The following EGLN2 variants were observed in gnomAD, a reference collection of about 807,000 sequenced individuals.
The protein encoded by EGLN2 is egl-9 family hypoxia inducible factor 2.
Under a neutral mutation model 38.2 loss-of-function variants are expected in EGLN2, and 15 were observed. That is an observed-to-expected ratio of 0.39 (90% CI 0.26 to 0.60). The LOEUF (loss-of-function observed/expected upper bound fraction) is 0.60, where lower values mean the gene tolerates loss of function less well. Among genes scored for constraint, EGLN2 ranks in the 20% least tolerant of loss-of-function variants. The pLI is 0.50. For synonymous variants in EGLN2, 284 were observed against 237.4 expected (o/e 1.20, Z -1.81); for missense variants, 492 against 570.4 (o/e 0.86, Z 1.40).
intron 2 of EGLN2, chr19:40,805,443 C>G (rs1475902700): frequency 6.6e-6 from 1 of 152,202 alleles, no homozygotes; most frequent in African/African-American, 2.4e-5. Context: ...CACTTGTTAT[C>G]TTGTTCACTT....
intron 2 of EGLN2, among the ~76,000 whole-genome samples, chr19:40,802,049 T>C (rs945832315): frequency 1.3e-5 from 2 of 152,158 alleles, no homozygotes; most frequent in Admixed American, 1.3e-4. Flanking sequence ...ACAGTTCACC[T>C]GGCCGTTCTC....
rs905943717 is a variant in EGLN2 at position 40,801,186 on chromosome 19, G to T, written c.614G>T (p.Arg205Leu). 1 of 1,612,708 alleles carries T rather than the reference G, an allele frequency of 6.2e-7. No individual in the cohort carries two copies. Among genetic ancestry groups the T allele is most frequent in the African/African-American group, 1.3e-5 (1 of 75,064 alleles). Reference protein sequence around the residue: ...DSFLGAALGGRVLAEVEALKR... With the variant: ...DSFLGAALGGLVLAEVEALKR... ...TTCCTGGGGGCAGCACTGGGCGGTC[G>T]CGTGCTGGCCGAGGTGGAGGCCCTC... The change falls in exon 2 of 6, where the codon CGC becomes CTC. Residue 205 changes from arginine to leucine, a missense_variant. Arg to Leu is a moderately radical substitution (Grantham distance 102). This residue lies in a region of EGLN2 where 378 missense variants were observed against 386.2 expected (regional missense o/e 0.98). Transcript: ENST00000303961.
In EGLN2 at chr19:40,801,268, G is replaced by A. The variant is rs767463394; in HGVS notation, c.696G>A (p.Pro232=). 20 of 1,613,096 alleles carry A rather than the reference G, an allele frequency of 1.2e-5. No homozygotes were observed. Among genetic ancestry groups the A allele is most frequent in the Non-Finnish European group, 1.7e-5 (20 of 1,180,006 alleles). The part of the protein sequence containing the change: ...GQLVSQRAIP[P]RSIRGDQIAW... ...TAGTGAGCCAGAGGGCGATCCCGCC[G>A]CGCAGCATCCGTGGGGACCAGATTG... Residue 232 remains proline, a synonymous_variant, in exon 2 of 6, where the codon CCG becomes CCA. Transcript: ENST00000303961.
Position 40,807,471 on chromosome 19 carries a change from C to T in EGLN2, c.1101-13C>T, listed in dbSNP as rs1295217668. 1 of 1,614,042 alleles carries T rather than the reference C, an allele frequency of 6.2e-7. No homozygotes were observed. The highest frequency in any genetic ancestry group is 1.3e-5 in the African/African-American group (1 of 75,046). ...ATTGCAGAAAACTAATGTCCAACCA[C>T]CCTGGTCTCCAGGTACGCCATCACT... On this transcript the variant is annotated splice_polypyrimidine_tract_variant and intron_variant, in intron 4 of 5. Coordinates refer to ENST00000303961, the MANE Select transcript of EGLN2 (RefSeq NM_080732.4).
chr19:40,802,580 A>G (rs1019834062), intron 2 of EGLN2, among the ~76,000 whole-genome samples: 3 of 152,210 alleles, frequency 2.0e-5, no homozygotes, highest in Admixed American at 2.0e-4. Flanking sequence ...ACAAATGCTC[A>G]TTTGCTTGGA....
intron 3 of EGLN2, 193 bp from the exon 4 acceptor site, chr19:40,806,945 T>C (rs2083307499): frequency 2.0e-6 from 2 of 1,004,828 alleles, no homozygotes; most frequent in South Asian, 1.7e-5. Flanking sequence ...TTTCCCCCTT[T>C]TCCTGTCTTT....
At chr19:40,803,362 A>G (rs1208222941) in intron 2 of EGLN2, 1 of 151,598 alleles carries the variant, frequency 6.6e-6, no homozygotes, top group Non-Finnish European at 1.5e-5. Context: ...GCGTGTTTGG[A>G]CTTTTTTAGC....
chr19:40,806,769 C>A, intron 3 of EGLN2, 95 bp downstream of exon 3: 2 of 1,512,186 alleles, frequency 1.3e-6, no homozygotes, highest in South Asian at 1.2e-5. Context: ...AGCCCAGATT[C>A]TGGCATTCTC....
At chr19:40,806,816 C>A in intron 3 of EGLN2, 142 bp downstream of exon 3, 1 of 1,200,788 alleles carries the variant, frequency 8.3e-7, no homozygotes, top group Admixed American at 2.3e-5. Context: ...GCAGTGCGAT[C>A]TGCCGGCTCT....
rs747281943 is a variant in EGLN2 at position 40,807,278 on chromosome 19, T to C, written c.1100+4T>C. The C allele has an allele frequency of 1.2e-6, 2 of 1,614,010 alleles. No homozygotes were observed. The highest frequency in any genetic ancestry group is 2.7e-5 in the African/African-American group (2 of 74,934). Reference sequence around the variant, plus strand: ...TGAAGCCAGCCTATGCCACCAGGTATGACCTGTACTTCTGGAGACGCACCC... The same window carrying C: ...TGAAGCCAGCCTATGCCACCAGGTACGACCTGTACTTCTGGAGACGCACCC... On this transcript the variant is annotated splice_donor_region_variant and intron_variant, in intron 4 of 5. Transcript: ENST00000303961.
In EGLN2 at chr19:40,808,073, A is replaced by G. The variant is rs1450247704; in HGVS notation, c.*209A>G. 6 of 610,958 alleles carry G rather than the reference A, an allele frequency of 9.8e-6. No homozygotes were observed. The African/African-American group carries it at 1.1e-4, about 11-fold the overall frequency. 37.8% of individuals were successfully genotyped at this position (610,958 alleles called of 1,614,324 possible). A position where few individuals can be genotyped will look rare whatever the true frequency, so the allele number is the denominator to read the frequency against. Reference sequence around the variant, plus strand: ...TGGGGGCTGGGGTTGTCACCTGGACAGGGGGCAGCCGTGGAGGCCACCGTT... The same window carrying G: ...TGGGGGCTGGGGTTGTCACCTGGACGGGGGGCAGCCGTGGAGGCCACCGTT... On this transcript the variant is annotated 3_prime_UTR_variant, in exon 6 of 6. Transcript: ENST00000303961.
In EGLN2 at chr19:40,800,322, T is replaced by A. The variant is rs949511704; in HGVS notation, c.-234-17T>A. 26 of 477,948 alleles carry A rather than the reference T, an allele frequency of 5.4e-5. No homozygotes were observed. Among genetic ancestry groups the A allele is most frequent in the Non-Finnish European group, 8.5e-5 (23 of 270,622 alleles). The allele number at this position is 477,948 out of a possible 1,614,324, so 29.6% of individuals were successfully genotyped here. Reference sequence around the variant, plus strand: ...TCTAGTTTCTCTCACATCCCTTTTTTTTTTTCCTTTCTCTAGCCACCCTGA... The same window carrying A: ...TCTAGTTTCTCTCACATCCCTTTTTATTTTTCCTTTCTCTAGCCACCCTGA... On this transcript the variant is annotated splice_polypyrimidine_tract_variant and intron_variant, in intron 1 of 5. Coordinates refer to ENST00000303961, the MANE Select transcript of EGLN2 (RefSeq NM_080732.4).
At chr19:40,800,273 C>T in intron 1 of EGLN2, 66 bp from the exon 2 acceptor site, 1 of 379,328 alleles carries the variant, frequency 2.6e-6, no homozygotes, top group Non-Finnish European at 4.9e-6. Context: ...CCATACCATC[C>T]CGGCTTTCCC....
chr19:40,806,849 C>A, intron 3 of EGLN2, 175 bp downstream of exon 3: 1 of 1,006,592 alleles, frequency 9.9e-7, no homozygotes, highest in Non-Finnish European at 1.5e-6. Flanking sequence ...GCACCTCCTC[C>A]TCTCTAGCGG....
Position 40,807,813 on chromosome 19 carries a change from A to C in EGLN2, c.1173A>C (p.Ser391=). 6.2e-7 allele frequency: 1 copy of C among 1,614,040 alleles called. No individual in the cohort carries two copies. Among genetic ancestry groups the C allele is most frequent in the African/African-American group, 1.3e-5 (1 of 75,026 alleles). ...CCTGTCCCCTCTCACCCCCAGCATC[A>C]GGACAGAAAGGTGTCCAAGTACCTG... ...AAAKDKYQLA[S]GQKGVQVPVS... Residue 391 remains serine (S), a synonymous_variant, in exon 6 of 6, where the codon TCA becomes TCC. Transcript: ENST00000303961.
At chr19:40,799,631 G>A (rs1409826586) in intron 1 of EGLN2, 3 of 152,154 alleles carry the variant, frequency 2.0e-5, no homozygotes, top group African/African-American at 4.8e-5. Context: ...CTCTCGTCCT[G>A]TCTCCGGGTG....
intron 2 of EGLN2, chr19:40,805,519 A>G (rs993658835): frequency 6.6e-6 from 1 of 152,238 alleles, no homozygotes. Context: ...ACCTGAGACC[A>G]GGAAGTCACC....
At chr19:40,806,402 A>G in intron 2 of EGLN2, 153 bp from the exon 3 acceptor site, 1 of 1,412,702 alleles carries the variant, frequency 7.1e-7, no homozygotes, top group Non-Finnish European at 9.4e-7. Context: ...GCTGAAAAAG[A>G]AAGTCTTTTG....
In EGLN2 at chr19:40,807,102, C is replaced by T. The variant is rs748065055; in HGVS notation, c.964-36C>T. On this transcript the variant is annotated intron_variant, in intron 3 of 5. Coordinates refer to ENST00000303961, the MANE Select transcript of EGLN2 (RefSeq NM_080732.4). ...ACCGTGGGAGGCAGCGGCTCCTGGC[C>T]GTACCAGCTAGCCTCATCCTTTGGC... 28 of 1,609,526 alleles carry T rather than the reference C, an allele frequency of 1.7e-5. No homozygotes were observed. The Admixed American group carries it at 2.0e-4, about 12-fold the overall frequency.
Sources: gnomAD v4.1 joint callset for allele counts (sites outside exome capture counted in the v4.1 genomes callset) on GRCh38, gnomAD v4.1.1 for gene constraint, gnomAD v4.1.1 regional missense constraint, MANE v1.5 for transcripts, NCBI Gene and HGNC (gene_info 2026-07-23, HGNC 2026-07-21) for gene names.